The following UST variants were observed in gnomAD, a reference collection of about 807,000 sequenced individuals.
The protein encoded by UST is chondroitin sulfate 2-O-sulfotransferase.
Under a neutral mutation model 45.6 loss-of-function variants are expected in UST, and 21 were observed. The observed-to-expected ratio is 0.46, with a 90% confidence interval of 0.33 to 0.66. The LOEUF is 0.66. UST is among the 30% of genes least tolerant of loss of function. The probability of loss-of-function intolerance (pLI) is 0.02; values close to 1 mark genes in which losing one functional copy is unlikely to be tolerated. For synonymous variants in UST, 215 were observed against 200.6 expected (o/e 1.07, Z -0.61); for missense variants, 463 against 512.4 (o/e 0.90, Z 0.93).
chr6:148,767,287 A>T (rs778369809), intron 1 of UST, among the ~76,000 whole-genome samples: 1 of 152,240 alleles, frequency 6.6e-6, no homozygotes, highest in Non-Finnish European at 1.5e-5. Flanking sequence ...CCAATTTAAG[A>T]ACATTAAGTA....
At chr6:148,967,324 G>C (rs925562467) in intron 5 of UST, among the ~76,000 whole-genome samples, 5 of 151,970 alleles carry the variant, frequency 3.3e-5, no homozygotes, top group Non-Finnish European at 7.4e-5. Flanking sequence ...AGAAACTCGG[G>C]GGGGCTCAGA....
intron 2 of UST, among the ~76,000 whole-genome samples, chr6:148,940,506 A>G (rs1334722598): frequency 6.6e-6 from 1 of 152,202 alleles, no homozygotes; most frequent in Non-Finnish European, 1.5e-5. Context: ...AAATAAAAAA[A>G]TACATATATA....
At chr6:149,047,166 T>C (rs1161240321) in intron 7 of UST, among the ~76,000 whole-genome samples, 20 of 152,202 alleles carry the variant, frequency 1.3e-4, no homozygotes, top group Admixed American at 1.3e-3. Flanking sequence ...AGTAAAAATA[T>C]ATACACACCC....
intron 1 of UST, among the ~76,000 whole-genome samples, chr6:148,784,267 G>A (rs1436819606): frequency 6.6e-6 from 1 of 152,138 alleles, no homozygotes; most frequent in Non-Finnish European, 1.5e-5. Context: ...TGAGCCTGAA[G>A]TTTTCTCTCT....
chr6:148,795,384 G>A (rs1301505220), intron 1 of UST, among the ~76,000 whole-genome samples: 3 of 152,164 alleles, frequency 2.0e-5, no homozygotes, highest in Non-Finnish European at 4.4e-5. Context: ...CTGGCCTGCT[G>A]CTTTGCTCAC....
chr6:149,036,020 G>A (rs531600674), intron 7 of UST, among the ~76,000 whole-genome samples: 17 of 152,336 alleles, frequency 1.1e-4, no homozygotes, highest in African/African-American at 3.8e-4. Context: ...GGTTGCTGGT[G>A]TGGGAACAGG....
chr6:148,860,082 G>A (rs1008195419), intron 1 of UST, among the ~76,000 whole-genome samples: 6 of 152,264 alleles, frequency 3.9e-5, no homozygotes, highest in African/African-American at 1.2e-4. Context: ...AAATTACCTT[G>A]GGCAGTATGG....
chr6:148,863,981 T>G (rs978642095), intron 1 of UST, among the ~76,000 whole-genome samples: 2 of 152,308 alleles, frequency 1.3e-5, no homozygotes, highest in Admixed American at 6.5e-5. Context: ...AGTCTGTCTG[T>G]TCTCAGATCT....
intron 2 of UST, 113 bp downstream of exon 2, chr6:148,887,142 G>A: frequency 2.4e-6 from 2 of 819,524 alleles, no homozygotes; most frequent in South Asian, 1.6e-5. Flanking sequence ...AACAGTAGAT[G>A]ACATATGTGA....
Position 149,073,930 on chromosome 6 carries a change from C to T in UST, c.1035C>T (p.Tyr345=), listed in dbSNP as rs370836468. ...TCTACCAGCGGATGAGATACGAGTA[C>T]GAGTTTTACCACTACGTCAAAGAGC... ...QILYQRMRYE[Y]EFYHYVKEQF... The change falls in exon 8 of 8, where the codon TAC becomes TAT. Residue 345 remains tyrosine (Y), a synonymous_variant. Transcript: ENST00000367463. The T allele has an allele frequency of 4.8e-5, 78 of 1,614,018 alleles. No homozygotes were observed. The highest frequency in any genetic ancestry group is 5.5e-5 in the Non-Finnish European group (65 of 1,180,030).
At chr6:149,064,803 C>T (rs141779999) in intron 7 of UST, among the ~76,000 whole-genome samples, 162 of 152,150 alleles carry the variant, frequency 1.1e-3, no homozygotes, top group African/African-American at 3.6e-3. Flanking sequence ...ACACTTGGCT[C>T]CAGAAGAATG....
intron 7 of UST, among the ~76,000 whole-genome samples, chr6:149,029,772 C>G (rs1182385301): frequency 6.6e-6 from 1 of 151,588 alleles, no homozygotes; most frequent in Non-Finnish European, 1.5e-5. Context: ...CTCCAATTTG[C>G]TATTGGTTCA....
chr6:148,855,906 C>T (rs1778193962), intron 1 of UST, among the ~76,000 whole-genome samples: 1 of 152,066 alleles, frequency 6.6e-6, no homozygotes, highest in South Asian at 2.1e-4. Context: ...CTGGACCTGA[C>T]AAAAAAGTCA....
chr6:148,760,878 G>A (rs144478686), intron 1 of UST, among the ~76,000 whole-genome samples: 29 of 152,220 alleles, frequency 1.9e-4, no homozygotes, highest in Non-Finnish European at 3.5e-4. Flanking sequence ...GAGGAGACAC[G>A]GCTGGCCAGT....
In UST at chr6:148,860,724, G is replaced by A. The variant is rs372558119; in HGVS notation, c.248-26262G>A. Among the ~76,000 whole-genome samples, 390 of 152,156 alleles carry A rather than the reference G, an allele frequency of 2.6e-3. 1 individual carries two copies. The highest frequency in any genetic ancestry group is 4.2e-3 in the African/African-American group (173 of 41,506). ...GCATGAAGGGCTGTTGAATTTTGTC[G>A]AAGGCCTTTTCTGCATCTATTGAGA... On this transcript the variant is annotated intron_variant, in intron 1 of 7. Coordinates refer to ENST00000367463, the MANE Select transcript of UST (RefSeq NM_005715.3).
In UST at chr6:149,023,101, G is replaced by GGTGT. The variant is rs61544082; in HGVS notation, c.937+1666_937+1669dup. Among the ~76,000 whole-genome samples, 1,238 of 143,416 alleles carry GGTGT rather than the reference G, an allele frequency of 8.6e-3. 15 individuals are homozygous for GGTGT. Among genetic ancestry groups the GGTGT allele is most frequent in the African/African-American group, 0.018 (694 of 38,642 alleles). The allele number at this position is 143,416 out of a possible 152,430, so 94.1% of individuals were successfully genotyped here. A position where few individuals can be genotyped will look rare whatever the true frequency, so the allele number is the denominator to read the frequency against. ...TCCTTTTGGCTTTATCTTGTTCTAT[G>GGTGT]GTGTGTGTGTGTGTGTGTGTGTGTG... On this transcript the variant is annotated intron_variant, in intron 7 of 7. Coordinates refer to ENST00000367463, the MANE Select transcript of UST (RefSeq NM_005715.3).
intron 1 of UST, among the ~76,000 whole-genome samples, chr6:148,867,385 C>T (rs1475661842): frequency 1.3e-5 from 2 of 151,548 alleles, no homozygotes; most frequent in Non-Finnish European, 2.9e-5. Flanking sequence ...AAATTCTGTG[C>T]TATAGCACCG....
At chr6:149,049,933 A>T (rs200945229) in intron 7 of UST, among the ~76,000 whole-genome samples, 105 of 116,414 alleles carry the variant, frequency 9.0e-4, no homozygotes, top group East Asian at 5.8e-3. Flanking sequence ...TCTCTCTCTC[A>T]CACACACACA....
rs866698798 is a variant in UST, at chr6:148,748,259, G to A, written c.247+582G>A. 6.6e-6 allele frequency among the ~76,000 whole-genome samples: 1 copy of A among 152,074 alleles called. No homozygotes were observed. Among genetic ancestry groups the A allele is most frequent in the African/African-American group, 2.4e-5 (1 of 41,402 alleles). On this transcript the variant is annotated intron_variant, in intron 1 of 7. Transcript: ENST00000367463. The surrounding 1 kb of genome is among the most constrained non-coding windows in gnomAD (Gnocchi z 5.3). ...GCTGCCGCTGCCCACCCCGCCGCCC[G>A]CAGCTAGCCTGGCGCGGGGAACGGG... is the stretch of plus-strand genomic sequence containing the variant.
Sources: gnomAD v4.1 joint callset for allele counts (sites outside exome capture counted in the v4.1 genomes callset) on GRCh38, gnomAD v4.1.1 for gene constraint, Gnocchi (gnomAD v3.1) non-coding constraint, MANE v1.5 for transcripts, NCBI Gene and HGNC (gene_info 2026-07-23, HGNC 2026-07-21) for gene names.